Variants in SHROOM3 observed in about 807,000 individuals in gnomAD.
The protein encoded by SHROOM3 is protein Shroom3.
Under a neutral mutation model 138.6 loss-of-function variants are expected in SHROOM3, and 47 were observed. The observed-to-expected ratio is 0.34, with a 90% CI of 0.27 to 0.43. SHROOM3 has a LOEUF of 0.43. Ranked by LOEUF, SHROOM3 falls within the 20% of genes least tolerant of loss-of-function variation. The pLI is 1.00. For missense variants in SHROOM3, 2,491 were observed against 2,596.5 expected (o/e 0.96, Z 0.88); for synonymous variants, 1,062 against 1,063.3 (o/e 1.00, Z 0.02).
At chr4:76,699,574 A>T (rs943527982) in intron 2 of SHROOM3, among the ~76,000 whole-genome samples, 1 of 152,124 alleles carries the variant, frequency 6.6e-6, no homozygotes, top group Non-Finnish European at 1.5e-5. Flanking sequence ...GTATGTATAT[A>T]TGGCCTTTTA....
chr4:76,770,494 C>T lies in SHROOM3; in HGVS notation c.5350-132C>T, dbSNP rs1197267118. 1.1e-5 allele frequency: 11 copies of T among 959,558 alleles called. No individual in the cohort carries two copies. The African/African-American group carries it at 2.1e-4, about 18-fold the overall frequency. The allele number at this position is 959,558 out of a possible 1,614,324, so 59.4% of individuals were successfully genotyped here. ...GCTATTATGGCATAATATTGGGGGA[C>T]ACTCCATATAGAGAAGGGGGAGGAT... On this transcript the variant is annotated intron_variant, in intron 9 of 10. Coordinates refer to ENST00000296043, the MANE Select transcript of SHROOM3 (RefSeq NM_020859.4).
At chr4:76,437,881 A>G (rs1305967718) in intron 1 of SHROOM3, among the ~76,000 whole-genome samples, 1 of 152,244 alleles carries the variant, frequency 6.6e-6, no homozygotes, top group Admixed American at 6.5e-5. Flanking sequence ...AATATTCTGT[A>G]TCTATACACT....
At chr4:76,774,707 GGGTT>G (rs1326074876) in intron 10 of SHROOM3, among the ~76,000 whole-genome samples, 2 of 131,360 alleles carry the variant, frequency 1.5e-5, no homozygotes, top group African/African-American at 5.7e-5. Context: ...GGGTTTTTTG[GGGTT>G]TTTTTTTTGT....
chr4:76,778,743 G>A (rs574165049), intron 10 of SHROOM3, 66 bp from the exon 11 acceptor site: 120 of 1,605,442 alleles, frequency 7.5e-5, no homozygotes, highest in Middle Eastern at 6.8e-4. Flanking sequence ...AGGTGTCCTT[G>A]CAGGGAGTCT....
chr4:76,565,033 T>C (rs895563913), intron 2 of SHROOM3, among the ~76,000 whole-genome samples: 5 of 151,682 alleles, frequency 3.3e-5, no homozygotes, highest in South Asian at 2.1e-4. Context: ...TGGTGGTGGG[T>C]GCCTGTAATC....
At chr4:76,681,052 A>G (rs1460636278) in intron 2 of SHROOM3, among the ~76,000 whole-genome samples, 1 of 152,178 alleles carries the variant, frequency 6.6e-6, no homozygotes, top group Non-Finnish European at 1.5e-5. Flanking sequence ...GATCTTGAAG[A>G]TGGCCTAAAG....
intron 1 of SHROOM3, among the ~76,000 whole-genome samples, chr4:76,503,372 C>T (rs114044337): frequency 9.8e-4 from 149 of 152,028 alleles, no homozygotes; most frequent in Non-Finnish European, 1.5e-3. Flanking sequence ...CCTATGTGTT[C>T]GATTTGCTAT....
At chr4:76,656,335 C>T (rs1167204501) in intron 2 of SHROOM3, among the ~76,000 whole-genome samples, 1 of 152,138 alleles carries the variant, frequency 6.6e-6, no homozygotes, top group Non-Finnish European at 1.5e-5. Context: ...ACACCCAGTC[C>T]AATTTAAAAG....
At chr4:76,476,407 C>T (rs1406415519) in intron 1 of SHROOM3, among the ~76,000 whole-genome samples, 1 of 152,172 alleles carries the variant, frequency 6.6e-6, no homozygotes, top group Non-Finnish European at 1.5e-5. Flanking sequence ...CTTCCAAATG[C>T]TCATACATTC....
rs146174219 is a variant in SHROOM3 at position 76,487,182 on chromosome 4, C to T, written c.168+50962C>T. ...TTCTGGACATTTCATATAAATAGAA[C>T]CATATACTGTGTGGCTTTTGGTGGC... is the stretch of plus-strand genomic sequence containing the variant. On this transcript the variant is annotated intron_variant, in intron 1 of 10. Transcript: ENST00000296043. Among the ~76,000 whole-genome samples, 571 of 152,258 alleles carry T rather than the reference C, an allele frequency of 3.8e-3. 4 individuals carry two copies. Among genetic ancestry groups the T allele is most frequent in the African/African-American group, 0.013 (549 of 41,542 alleles).
At chr4:76,581,497 C>T (rs994432473) in intron 2 of SHROOM3, among the ~76,000 whole-genome samples, 1 of 152,236 alleles carries the variant, frequency 6.6e-6, no homozygotes, top group Middle Eastern at 3.4e-3. Context: ...TTGGACTTAA[C>T]TGACATCTTT....
At position 76,633,396 on chromosome 4, in the gene SHROOM3, T is replaced by C. The variant is rs536900118; in HGVS notation, c.324-76760T>C. Among the ~76,000 whole-genome samples, 30 of 143,356 alleles carry C rather than the reference T, an allele frequency of 2.1e-4. No individual in the cohort carries two copies. In the South Asian group the frequency reaches 6.6e-3, roughly 31 times the overall value. 94.0% of individuals were successfully genotyped at this position (143,356 alleles called of 152,430 possible). ...AGAAATCTTGTTAACTGGCCGGGCG[T>C]GGTGGCTCACGCCTGTAATCCCAGC... On this transcript the variant is annotated intron_variant, in intron 2 of 10. Coordinates refer to ENST00000296043, the MANE Select transcript of SHROOM3 (RefSeq NM_020859.4).
At chr4:76,746,881 A>G (rs957082451) in intron 5 of SHROOM3, among the ~76,000 whole-genome samples, 8 of 151,258 alleles carry the variant, frequency 5.3e-5, no homozygotes, top group African/African-American at 1.5e-4. Context: ...CACTGGCGCA[A>G]TGTCGGCTCA....
chr4:76,779,272 G>T lies in SHROOM3; in HGVS notation c.*95G>T. 1 of 1,472,554 alleles carries T rather than the reference G, an allele frequency of 6.8e-7. No homozygotes were observed. Among genetic ancestry groups the T allele is most frequent in the South Asian group, 1.4e-5 (1 of 72,918 alleles). The allele number at this position is 1,472,554 out of a possible 1,614,324, so 91.2% of individuals were successfully genotyped here. ...GTACAAACCACTGTTTGAACTATCT[G>T]GGTTATTGGTGTTTGTTCCTGATGA... On this transcript the variant is annotated 3_prime_UTR_variant, in exon 11 of 11. Coordinates refer to ENST00000296043, the MANE Select transcript of SHROOM3 (RefSeq NM_020859.4).
intron 1 of SHROOM3, among the ~76,000 whole-genome samples, chr4:76,449,002 G>C (rs536610660): frequency 4.6e-4 from 70 of 152,254 alleles, no homozygotes; most frequent in African/African-American, 1.6e-3. Flanking sequence ...CCCTCTCATG[G>C]GATGGGTGTG....
intron 1 of SHROOM3, among the ~76,000 whole-genome samples, chr4:76,506,721 C>T (rs1232993170): frequency 6.6e-6 from 1 of 152,168 alleles, no homozygotes; most frequent in Admixed American, 6.5e-5. Flanking sequence ...TCCTGATTCC[C>T]TGCAGCAACT....
rs185409191 is a variant in SHROOM3, at chr4:76,527,532, G to A, written c.169-28077G>A. On this transcript the variant is annotated intron_variant, in intron 1 of 10. Transcript: ENST00000296043. Reference sequence around the variant, plus strand: ...CGGGAGGTAGAGGTTGCAGTAAGCCGAGATCGTGCCACTGCACTCCAGCCT... The same window carrying A: ...CGGGAGGTAGAGGTTGCAGTAAGCCAAGATCGTGCCACTGCACTCCAGCCT... Among the ~76,000 whole-genome samples the A allele has an allele frequency of 8.4e-3, 1,272 of 152,302 alleles. 12 individuals are homozygous for A. Among genetic ancestry groups the A allele is most frequent in the Non-Finnish European group, 0.013 (885 of 68,028 alleles).
chr4:76,614,362 C>A (rs1734828922), intron 2 of SHROOM3, among the ~76,000 whole-genome samples: 1 of 152,100 alleles, frequency 6.6e-6, no homozygotes, highest in South Asian at 2.1e-4. Flanking sequence ...TCCTAAATGG[C>A]CCTTTTTTCA....
At chr4:76,712,259 G>C (rs1720251024) in intron 3 of SHROOM3, among the ~76,000 whole-genome samples, 1 of 152,150 alleles carries the variant, frequency 6.6e-6, no homozygotes, top group South Asian at 2.1e-4. Context: ...TAGGGAGGCA[G>C]AATAAATAGC....
Sources: allele counts gnomAD v4.1 joint callset (sites outside exome capture counted in the v4.1 genomes callset), GRCh38; gene constraint gnomAD v4.1.1; transcripts MANE v1.5; gene names NCBI Gene and HGNC (gene_info 2026-07-23, HGNC 2026-07-21).